Variants in RNF13 observed in about 807,000 individuals in gnomAD.
RNF13 encodes the protein E3 ubiquitin-protein ligase RNF13.
In RNF13, 19 loss-of-function variants were observed where a neutral mutation model predicts 37.7. That is an observed-to-expected ratio of 0.50 (90% confidence interval 0.35 to 0.74). The LOEUF (loss-of-function observed/expected upper bound fraction) is 0.74, where lower values mean the gene tolerates loss of function less well. Ranked by LOEUF, RNF13 falls within the 30% of genes least tolerant of loss-of-function variation. RNF13 has a pLI of 0.01. For synonymous variants in RNF13, 144 were observed against 157.8 expected (o/e 0.91, Z 0.65); for missense variants, 375 against 453.0 (o/e 0.83, Z 1.56).
At chr3:149,817,997 A>G (rs1719637794) in intron 1 of RNF13, among the ~76,000 whole-genome samples, 1 of 152,216 alleles carries the variant, frequency 6.6e-6, no homozygotes, top group Non-Finnish European at 1.5e-5. Context: ...TGGGTAGAGC[A>G]TGATGTTGAA....
chr3:149,867,208 T>A lies in RNF13; in HGVS notation c.196-4821T>A, dbSNP rs935120794. Among the ~76,000 whole-genome samples the A allele has an allele frequency of 4.6e-5, 7 of 152,136 alleles. No individual in the cohort carries two copies. The East Asian group carries it at 1.2e-3, about 25-fold the overall frequency. ...TATTGGGTGCATAAATAGTTATAATTGTTATATCGTCTTGCAGAATTGACC... is the reference window on the plus strand; with the variant it reads ...TATTGGGTGCATAAATAGTTATAATAGTTATATCGTCTTGCAGAATTGACC... On this transcript the variant is annotated intron_variant, in intron 3 of 9. Transcript: ENST00000392894.
chr3:149,838,443 G>A (rs75741658), intron 1 of RNF13, among the ~76,000 whole-genome samples: 4,043 of 152,350 alleles, frequency 0.027, 70 homozygotes, highest in South Asian at 0.036. Context: ...GGGGATCCAG[G>A]CATTTCCATA....
chr3:149,925,285 A>G (rs940958763), intron 8 of RNF13, among the ~76,000 whole-genome samples: 4 of 152,184 alleles, frequency 2.6e-5, no homozygotes, highest in Admixed American at 1.3e-4. Flanking sequence ...AAGAGTATGT[A>G]GAATACATAT....
intron 4 of RNF13, among the ~76,000 whole-genome samples, chr3:149,875,764 G>A (rs1229540069): frequency 1.3e-5 from 2 of 152,164 alleles, no homozygotes; most frequent in Non-Finnish European, 2.9e-5. Context: ...TTGATTACAT[G>A]TCAGGTACTT....
intron 2 of RNF13, among the ~76,000 whole-genome samples, chr3:149,848,460 G>C (rs1254684958): frequency 6.6e-6 from 1 of 152,156 alleles, no homozygotes; most frequent in Non-Finnish European, 1.5e-5. Flanking sequence ...AGAGGAACTG[G>C]ATGTGTGACA....
chr3:149,900,505 TAC>T (rs1715714054), intron 5 of RNF13, among the ~76,000 whole-genome samples: 1 of 151,964 alleles, frequency 6.6e-6, no homozygotes, highest in Non-Finnish European at 1.5e-5. Flanking sequence ...GCCCAGGAGT[TAC>T]AGGCTGTAGT....
chr3:149,953,154 G>T (rs996227441), intron 8 of RNF13, among the ~76,000 whole-genome samples: 1 of 151,912 alleles, frequency 6.6e-6, no homozygotes, highest in Non-Finnish European at 1.5e-5. Flanking sequence ...GTTAAATTTG[G>T]CCAAAGTGGA....
In RNF13 at chr3:149,900,395, T is replaced by C. The variant is rs1164419482; in HGVS notation, c.410-1677T>C. 2.9e-4 allele frequency among the ~76,000 whole-genome samples: 44 copies of C among 151,244 alleles called. 2 individuals carry two copies. Among genetic ancestry groups the C allele is most frequent in the Admixed American group, 2.9e-3 (44 of 15,162 alleles). ...AATATCTCCCAAATATAAAAAAAAA[T>C]ATAGTCCTATAACAATACCTCTGCA... On this transcript the variant is annotated intron_variant, in intron 5 of 9. Transcript: ENST00000392894.
chr3:149,845,782 A>C (rs916424605), intron 1 of RNF13: 10 of 364,066 alleles, frequency 2.7e-5, no homozygotes, highest in African/African-American at 1.5e-4. Context: ...TGATTAAAAC[A>C]GAACTTTGTC....
chr3:149,955,577 C>T (rs1428305724), intron 8 of RNF13, among the ~76,000 whole-genome samples: 2 of 152,090 alleles, frequency 1.3e-5, no homozygotes, highest in African/African-American at 4.8e-5. Context: ...TTTTGGACTA[C>T]AGGGCAATTA....
chr3:149,868,928 C>A (rs150968722), intron 3 of RNF13, among the ~76,000 whole-genome samples: 1 of 151,734 alleles, frequency 6.6e-6, no homozygotes, highest in South Asian at 2.1e-4. Context: ...TTTGAATAAG[C>A]TTTCTATACC....
intron 2 of RNF13, among the ~76,000 whole-genome samples, chr3:149,848,605 T>C (rs924563547): frequency 1.3e-5 from 2 of 152,184 alleles, no homozygotes; most frequent in Non-Finnish European, 2.9e-5. Context: ...GTCAACTAGG[T>C]TGATTCTAGT....
Position 149,912,052 on chromosome 3 carries a change from G to A in RNF13, c.575G>A (p.Gly192Asp). 1 of 1,582,154 alleles carries A rather than the reference G, an allele frequency of 6.3e-7. No homozygotes were observed. The highest frequency in any genetic ancestry group is 8.7e-7 in the Non-Finnish European group (1 of 1,152,340). Residue 192 changes from glycine (G) to aspartate (D), a missense_variant, in exon 7 of 10, where the codon GGC becomes GAC. Transcript: ENST00000392894. ...CTAATTCCCTTCCTTATCATAGTGG[G>A]CATCTGTCTCATCTTGATAGTCATT... Reference protein sequence around the residue: ...YYLIPFLIIVGICLILIVIFM... With the variant: ...YYLIPFLIIVDICLILIVIFM...
At chr3:149,917,811 A>G (rs114786229) in intron 7 of RNF13, among the ~76,000 whole-genome samples, 1,839 of 152,270 alleles carry the variant, frequency 0.012, 31 homozygotes, top group African/African-American at 0.041. Flanking sequence ...GTGCAGTTCT[A>G]TGTCCATTAG....
chr3:149,931,033 G>GT (rs879596571), intron 8 of RNF13, among the ~76,000 whole-genome samples: 3 of 151,782 alleles, frequency 2.0e-5, no homozygotes, highest in South Asian at 2.1e-4. Context: ...ATTTTCTGGT[G>GT]TTTTTTTGGT....
Position 149,902,719 on chromosome 3 carries a change from A to G in RNF13, c.500+557A>G, listed in dbSNP as rs559613450. Among the ~76,000 whole-genome samples, 4 of 152,274 alleles carry G rather than the reference A, an allele frequency of 2.6e-5. 1 individual carries two copies. The South Asian group carries it at 8.3e-4, about 32-fold the overall frequency. On this transcript the variant is annotated intron_variant, in intron 6 of 9. Coordinates refer to ENST00000392894, the MANE Select transcript of RNF13 (RefSeq NM_183381.3). ...AACTTAAGGCACAGCTGTCTCAGCTAATATAGAAAACAGAGAAAACGGTAC... is the reference window on the plus strand; with the variant it reads ...AACTTAAGGCACAGCTGTCTCAGCTGATATAGAAAACAGAGAAAACGGTAC...
At chr3:149,875,489 G>C (rs1440089461) in intron 4 of RNF13, among the ~76,000 whole-genome samples, 2 of 152,074 alleles carry the variant, frequency 1.3e-5, no homozygotes, top group Non-Finnish European at 2.9e-5. Flanking sequence ...TTTTTAAAAT[G>C]GCATATTTTC....
At chr3:149,858,746 C>A (rs1723914890) in intron 3 of RNF13, among the ~76,000 whole-genome samples, 1 of 152,134 alleles carries the variant, frequency 6.6e-6, no homozygotes. Flanking sequence ...TGCAAATAAG[C>A]AGTTTTTCTT....
chr3:149,905,647 C>T (rs1185101051), intron 6 of RNF13, among the ~76,000 whole-genome samples: 3 of 151,848 alleles, frequency 2.0e-5, no homozygotes, highest in African/African-American at 7.3e-5. Flanking sequence ...TAGAGGAATT[C>T]ACCCACATTT....
Sources: gnomAD v4.1 joint callset for allele counts (sites outside exome capture counted in the v4.1 genomes callset) on GRCh38, gnomAD v4.1.1 for gene constraint, MANE v1.5 for transcripts, NCBI Gene and HGNC (gene_info 2026-07-23, HGNC 2026-07-21) for gene names.